Variants in PTN observed in about 807,000 individuals in gnomAD.
The protein encoded by PTN is pleiotrophin.
PTN carries 18 observed loss-of-function variants against 24.1 expected under a neutral mutation model. That is an observed-to-expected ratio of 0.75 (90% confidence interval 0.52 to 1.11). The LOEUF is 1.11. Ranked by LOEUF, PTN falls within the 50% of genes least tolerant of loss-of-function variation. PTN has a pLI of 0.00. For synonymous variants in PTN, 78 were observed against 68.6 expected (o/e 1.14, Z -0.67); for missense variants, 163 against 198.8 (o/e 0.82, Z 1.08).
chr7:137,306,841 A>G (rs972599867), intron 1 of PTN, among the ~76,000 whole-genome samples: 1 of 152,172 alleles, frequency 6.6e-6, no homozygotes, highest in Non-Finnish European at 1.5e-5. Flanking sequence ...ACCTATTATT[A>G]GGTAGCCAGG....
At chr7:137,238,839 C>T (rs973715528) in intron 4 of PTN, among the ~76,000 whole-genome samples, 1 of 152,134 alleles carries the variant, frequency 6.6e-6, no homozygotes, top group Admixed American at 6.6e-5. Context: ...AAATAGGATA[C>T]ACTTTTACAA....
At chr7:137,291,754 A>G (rs2128877358) in intron 1 of PTN, among the ~76,000 whole-genome samples, 1 of 152,160 alleles carries the variant, frequency 6.6e-6, no homozygotes, top group South Asian at 2.1e-4. Context: ...AAGTTAAGGG[A>G]AATTGTCTTA....
Position 137,324,399 on chromosome 7 carries a change from A to G in PTN, c.-2+19040T>C, listed in dbSNP as rs182405080. The stretch of plus-strand genomic sequence containing the variant: ...GCAACTGCACTCCAGCCTGGGCAGC[A>G]CAGCGAGACCCTGTCTCTAAAAAAA... On this transcript the variant is annotated intron_variant, in intron 1 of 4. Coordinates refer to ENST00000348225, the MANE Select transcript of PTN (RefSeq NM_002825.7). Among the ~76,000 whole-genome samples the G allele has an allele frequency of 3.2e-3, 439 of 135,768 alleles. 3 individuals carry two copies. The highest frequency in any genetic ancestry group is 0.012 in the African/African-American group (392 of 33,926). 89.1% of individuals were successfully genotyped at this position (135,768 alleles called of 152,430 possible).
intron 4 of PTN, among the ~76,000 whole-genome samples, chr7:137,247,567 G>T (rs1563198772): frequency 6.6e-6 from 1 of 152,132 alleles, no homozygotes; most frequent in Admixed American, 6.5e-5. Context: ...AAAATAGAAA[G>T]AATGAATAAG....
chr7:137,279,115 A>G (rs1046270435), intron 1 of PTN, among the ~76,000 whole-genome samples: 8 of 151,784 alleles, frequency 5.3e-5, no homozygotes, highest in African/African-American at 1.9e-4. Flanking sequence ...ATTACAAGAA[A>G]TTATATACCA....
At chr7:137,290,693 C>T (rs540633370) in intron 1 of PTN, among the ~76,000 whole-genome samples, 8 of 152,110 alleles carry the variant, frequency 5.3e-5, no homozygotes, top group African/African-American at 1.9e-4. Flanking sequence ...TGACTCAAAA[C>T]CAACTTCAAG....
Position 137,303,634 on chromosome 7 carries a change from A to C in PTN, c.-2+39805T>G, listed in dbSNP as rs185909262. On this transcript the variant is annotated intron_variant, in intron 1 of 4. Coordinates refer to ENST00000348225, the MANE Select transcript of PTN (RefSeq NM_002825.7). ...TAAAATGGAAAAGTAACCCCTTATAAAGTCAGTAGGAAAATCATAATTTGA... is the reference window on the plus strand; with the variant it reads ...TAAAATGGAAAAGTAACCCCTTATACAGTCAGTAGGAAAATCATAATTTGA... 1.7e-4 allele frequency among the ~76,000 whole-genome samples: 26 copies of C among 152,140 alleles called. No individual in the cohort carries two copies. The East Asian group carries it at 1.7e-3, about 10-fold the overall frequency.
chr7:137,245,607 A>AC (rs1461082708), intron 4 of PTN, among the ~76,000 whole-genome samples: 1 of 151,560 alleles, frequency 6.6e-6, no homozygotes, highest in Admixed American at 6.6e-5. Context: ...CCTTCTTCTT[A>AC]GTAAAAAAAA....
chr7:137,302,702 C>T (rs1201375441), intron 1 of PTN, among the ~76,000 whole-genome samples: 1 of 151,912 alleles, frequency 6.6e-6, no homozygotes, highest in Non-Finnish European at 1.5e-5. Flanking sequence ...TAATAGTGGA[C>T]TCCATCTTAT....
At chr7:137,341,827 A>C (rs930920596) in intron 1 of PTN, among the ~76,000 whole-genome samples, 5 of 152,168 alleles carry the variant, frequency 3.3e-5, no homozygotes, top group African/African-American at 1.2e-4. Flanking sequence ...AAGTTTCTTA[A>C]AGCACAAAAG....
At chr7:137,338,232 A>G (rs1810479921) in intron 1 of PTN, among the ~76,000 whole-genome samples, 1 of 152,166 alleles carries the variant, frequency 6.6e-6, no homozygotes, top group Non-Finnish European at 1.5e-5. Context: ...ATATGTTTTC[A>G]TTAAAGGACA....
intron 1 of PTN, among the ~76,000 whole-genome samples, chr7:137,281,807 C>T (rs757919412): frequency 3.3e-5 from 5 of 152,296 alleles, no homozygotes; most frequent in South Asian, 2.1e-4. Flanking sequence ...AGAATAGGAA[C>T]ATTTAATAAC....
At chr7:137,320,375 T>A (rs1161827743) in intron 1 of PTN, among the ~76,000 whole-genome samples, 2 of 150,800 alleles carry the variant, frequency 1.3e-5, no homozygotes, top group African/African-American at 4.8e-5. Flanking sequence ...GACTCCATTT[T>A]CTAACTCACT....
At chr7:137,307,239 G>A (rs578210450) in intron 1 of PTN, among the ~76,000 whole-genome samples, 29 of 151,910 alleles carry the variant, frequency 1.9e-4, no homozygotes, top group Admixed American at 3.9e-4. Flanking sequence ...ATCATGCTGG[G>A]CCCACTGAAG....
intron 2 of PTN, among the ~76,000 whole-genome samples, chr7:137,254,480 C>T (rs1808882903): frequency 6.6e-6 from 1 of 151,762 alleles, no homozygotes; most frequent in African/African-American, 2.4e-5. Flanking sequence ...GCTTTATCTT[C>T]TCTGTGCTTG....
chr7:137,341,473 A>G (rs944838298), intron 1 of PTN, among the ~76,000 whole-genome samples: 27 of 152,250 alleles, frequency 1.8e-4, no homozygotes, highest in African/African-American at 5.5e-4. Flanking sequence ...AGAGAATTAT[A>G]TATAATACAT....
intron 1 of PTN, among the ~76,000 whole-genome samples, chr7:137,278,945 CAATAATAATAATAATAATAAT>C (rs59932923): frequency 7.4e-6 from 1 of 134,288 alleles, no homozygotes; most frequent in Non-Finnish European, 1.5e-5. Context: ...CATCTCAGAA[CAATAATAATAATAATAATAAT>C]AATAATAATA....
intron 1 of PTN, among the ~76,000 whole-genome samples, chr7:137,266,966 G>C (rs1809162339): frequency 6.8e-6 from 1 of 147,884 alleles, no homozygotes; most frequent in Non-Finnish European, 1.5e-5. Context: ...AAGGGTTTCT[G>C]ATAGGAAGGC....
intron 1 of PTN, among the ~76,000 whole-genome samples, chr7:137,306,988 G>C (rs1271803416): frequency 6.6e-6 from 1 of 151,954 alleles, no homozygotes; most frequent in African/African-American, 2.4e-5. Context: ...TGAAAATAAT[G>C]GGTTTGAGGT....
Sources: allele counts gnomAD v4.1 joint callset (sites outside exome capture counted in the v4.1 genomes callset), GRCh38; gene constraint gnomAD v4.1.1; transcripts MANE v1.5; gene names NCBI Gene and HGNC (gene_info 2026-07-23, HGNC 2026-07-21).